CRB1: variants seen among roughly 807,000 people sequenced by gnomAD.
The protein encoded by CRB1 is protein crumbs homolog 1.
In CRB1, 83 loss-of-function variants were observed where a neutral mutation model predicts 120.0. The observed-to-expected ratio is 0.69, with a 90% CI of 0.58 to 0.83. The LOEUF is 0.83. Ranked by LOEUF, CRB1 falls within the 40% of genes least tolerant of loss-of-function variation. CRB1 has a pLI of 0.00. For missense variants in CRB1, 1,699 were observed against 1,687.6 expected, an observed-to-expected ratio of 1.01 and a Z score of -0.12; for synonymous variants, 625 against 612.5, an observed-to-expected ratio of 1.02 and a Z score of -0.30.
intron 11 of CRB1, among the ~76,000 whole-genome samples, chr1:197,468,285 G>C (rs1666835618): frequency 6.6e-6 from 1 of 151,652 alleles, no homozygotes; most frequent in Non-Finnish European, 1.5e-5. Context: ...AACTGTAATT[G>C]CTTTATATAG....
At chr1:197,445,701 G>GAA (rs932510200) in intron 11 of CRB1, among the ~76,000 whole-genome samples, 60 of 152,256 alleles carry the variant, frequency 3.9e-4, no homozygotes, top group African/African-American at 1.2e-3. Context: ...AGTTAGGCAG[G>GAA]AAATCAGTGA....
At chr1:197,469,824 C>T (rs1033556772) in intron 11 of CRB1, among the ~76,000 whole-genome samples, 6 of 152,112 alleles carry the variant, frequency 3.9e-5, no homozygotes, top group Middle Eastern at 3.2e-3. Flanking sequence ...GATTGTATCA[C>T]GTGATAACGT....
rs190778864 is a variant in CRB1, at chr1:197,292,170, G to T, written c.70+23688G>T. On this transcript the variant is annotated intron_variant, in intron 1 of 11. Transcript: ENST00000367400. ...GATCAACAAAATTGATAGACCGCTA[G>T]CAAGACTAATAAAGAAGAAAAGAGA... 3.9e-5 allele frequency among the ~76,000 whole-genome samples: 6 copies of T among 152,078 alleles called. No individual in the cohort carries two copies. In the East Asian group the frequency reaches 1.2e-3, roughly 29 times the overall value.
the CRB1 span, among the ~76,000 whole-genome samples, chr1:197,207,408 T>C: frequency 1.3e-5 from 2 of 152,090 alleles, no homozygotes; most frequent in Non-Finnish European, 2.9e-5. Context: ...TTGTAGTGCT[T>C]GGTAGTGGTG....
At chr1:197,280,154 C>T (rs1010991100) in intron 1 of CRB1, among the ~76,000 whole-genome samples, 7 of 151,810 alleles carry the variant, frequency 4.6e-5, no homozygotes, top group African/African-American at 1.7e-4. Context: ...TTCATAAGAC[C>T]ATGGACAATT....
At chr1:197,454,448 C>A (rs932434768) in intron 11 of CRB1, among the ~76,000 whole-genome samples, 4 of 152,102 alleles carry the variant, frequency 2.6e-5, no homozygotes, top group African/African-American at 7.2e-5. Flanking sequence ...TTCTGCTTCA[C>A]CAAGTATAAT....
Position 197,356,977 on chromosome 1 carries a change from T to G in CRB1, c.1135T>G (p.Ser379Ala). The G allele has an allele frequency of 1.2e-6, 2 of 1,614,222 alleles. No individual in the cohort carries two copies. Among genetic ancestry groups the G allele is most frequent in the Non-Finnish European group, 1.7e-6 (2 of 1,180,046 alleles). The change falls in exon 5 of 12, where the codon TCA (serine) becomes GCA (alanine). Residue 379 changes from serine to alanine, a missense_variant. Coordinates refer to ENST00000367400, the MANE Select transcript of CRB1 (RefSeq NM_201253.3). ...LPSSFSYHEA[S>A]GYVCICQPGF... ...TTCTTCTTTCAGCTACCATGAAGCC[T>G]CAGGTTATGTCTGTATCTGTCAGCC...
chr1:197,432,584 A>G (rs1323109059), intron 8 of CRB1, among the ~76,000 whole-genome samples: 3 of 152,096 alleles, frequency 2.0e-5, no homozygotes, highest in Non-Finnish European at 2.9e-5. Flanking sequence ...AGCACCTACT[A>G]TACATCAGGG....
intron 11 of CRB1, among the ~76,000 whole-genome samples, chr1:197,456,080 C>G (rs185579525): frequency 6.6e-6 from 1 of 152,134 alleles, no homozygotes; most frequent in East Asian, 1.9e-4. Flanking sequence ...TATCCACTTC[C>G]CTTAACATTT....
intron 11 of CRB1, among the ~76,000 whole-genome samples, chr1:197,453,320 TAA>T (rs1365743202): frequency 3.4e-4 from 1 of 2,968 alleles, no homozygotes; most frequent in East Asian, 0.5. Context: ...TATTTATATA[TAA>T]TAAGTATATA....
chr1:197,291,103 A>C (rs894108763), intron 1 of CRB1, among the ~76,000 whole-genome samples: 4 of 151,896 alleles, frequency 2.6e-5, no homozygotes, highest in African/African-American at 4.8e-5. Flanking sequence ...TAAGTACTAA[A>C]AATAATAACT....
At chr1:197,407,167 G>A (rs1218309711) in intron 5 of CRB1, among the ~76,000 whole-genome samples, 1 of 152,126 alleles carries the variant, frequency 6.6e-6, no homozygotes, top group East Asian at 1.9e-4. Flanking sequence ...GTGGAAAAAT[G>A]GTTAAAGCAA....
At chr1:197,370,947 T>TG (rs1661337885) in intron 5 of CRB1, among the ~76,000 whole-genome samples, 1 of 152,240 alleles carries the variant, frequency 6.6e-6, no homozygotes, top group Admixed American at 6.5e-5. Context: ...CACACACTTC[T>TG]GCCCACTTCT....
chr1:197,388,786 C>G (rs979448864), intron 5 of CRB1, among the ~76,000 whole-genome samples: 5 of 152,030 alleles, frequency 3.3e-5, no homozygotes, highest in African/African-American at 9.7e-5. Context: ...AAATATTACT[C>G]TTATTAATTT....
chr1:197,476,362 TTGTG>T (rs35012815), intron 11 of CRB1, among the ~76,000 whole-genome samples: 2,145 of 140,348 alleles, frequency 0.015, 23 homozygotes, highest in African/African-American at 0.027. Context: ...TTATGATTAT[TTGTG>T]TGTGTGTGTG....
the CRB1 span, among the ~76,000 whole-genome samples, chr1:197,228,342 C>T: frequency 6.6e-6 from 1 of 152,176 alleles, no homozygotes; most frequent in Non-Finnish European, 1.5e-5. Flanking sequence ...ACCCAAGTCA[C>T]CTTTTGAATG....
intron 11 of CRB1, among the ~76,000 whole-genome samples, chr1:197,456,046 A>G (rs1209242565): frequency 6.6e-6 from 1 of 152,172 alleles, no homozygotes; most frequent in East Asian, 1.9e-4. Context: ...TTAGTTTCAC[A>G]AATAGCTACA....
chr1:197,407,135 G>A (rs535165293), intron 5 of CRB1, among the ~76,000 whole-genome samples: 7 of 152,178 alleles, frequency 4.6e-5, no homozygotes, highest in Non-Finnish European at 7.3e-5. Flanking sequence ...TTAATCTTAA[G>A]ATTGTACTAA....
At chr1:197,251,221 G>A in the CRB1 span, among the ~76,000 whole-genome samples, 2 of 151,988 alleles carry the variant, frequency 1.3e-5, no homozygotes, top group Non-Finnish European at 2.9e-5. Context: ...TTCCTTACCT[G>A]TAAAATGGTG....
Sources: allele counts gnomAD v4.1 joint callset (sites outside exome capture counted in the v4.1 genomes callset), GRCh38; gene constraint gnomAD v4.1.1; transcripts MANE v1.5; gene names NCBI Gene and HGNC (gene_info 2026-07-23, HGNC 2026-07-21).